DROSHA: variants seen among roughly 807,000 people sequenced by gnomAD.
DROSHA encodes ribonuclease 3.
DROSHA carries 56 observed loss-of-function variants against 181.9 expected under a neutral mutation model. The ratio of observed to expected loss-of-function variants is 0.31; its 90% CI spans 0.25 to 0.38. DROSHA has a LOEUF of 0.38. DROSHA is among the 10% of genes least tolerant of loss of function. DROSHA has a pLI of 1.00. For synonymous variants in DROSHA, 524 were observed against 591.2 expected (o/e 0.89, Z 1.65); for missense variants, 1,218 against 1,743.5 (o/e 0.70, Z 5.37).
intron 6 of DROSHA, among the ~76,000 whole-genome samples, chr5:31,518,841 T>C (rs1449433096): frequency 6.6e-6 from 1 of 152,214 alleles, no homozygotes; most frequent in Non-Finnish European, 1.5e-5. Context: ...AATGTTTTAT[T>C]GCCAAGAAAC....
rs60001713 is a variant in DROSHA at position 31,446,446 on chromosome 5, C to CAAAAAAA, written c.2882+2094_2882+2100dup. Among the ~76,000 whole-genome samples, 23 of 59,344 alleles carry CAAAAAAA rather than the reference C, an allele frequency of 3.9e-4. 2 individuals carry two copies. The highest frequency in any genetic ancestry group is 2.3e-3 in the East Asian group (3 of 1,326). The allele number at this position is 59,344 out of a possible 152,430, so 38.9% of individuals were successfully genotyped here. A position where few individuals can be genotyped will look rare whatever the true frequency, so the allele number is the denominator to read the frequency against. On this transcript the variant is annotated intron_variant, in intron 23 of 35. Coordinates refer to ENST00000344624, the MANE Select transcript of DROSHA (RefSeq NM_001382508.1). ...TGGGCGACAGAGCGAGACTCTGTCT[C>CAAAAAAA]AAAAAAAAAAAAAAAAAAAAGATTC... is the stretch of plus-strand genomic sequence containing the variant.
intron 19 of DROSHA, 49 bp downstream of exon 19, chr5:31,466,133 C>T (rs1748983959): frequency 1.9e-6 from 3 of 1,571,546 alleles, no homozygotes; most frequent in Non-Finnish European, 2.6e-6. Flanking sequence ...ACGAAATAAA[C>T]CTGAAGCACA....
At chr5:31,433,637 A>G (rs1342869375) in intron 25 of DROSHA, among the ~76,000 whole-genome samples, 5 of 151,996 alleles carry the variant, frequency 3.3e-5, no homozygotes, top group Non-Finnish European at 5.9e-5. Context: ...CTCTGCCTCC[A>G]GGGTTCACGC....
chr5:31,451,699 T>A, intron 20 of DROSHA, 59 bp from the exon 21 acceptor site: 3 of 1,370,162 alleles, frequency 2.2e-6, no homozygotes, highest in Non-Finnish European at 3.0e-6. Flanking sequence ...GTCACTTCAT[T>A]TATTTTACAA....
At chr5:31,446,243 A>G (rs1027643798) in intron 23 of DROSHA, among the ~76,000 whole-genome samples, 72 of 151,808 alleles carry the variant, frequency 4.7e-4, no homozygotes, top group Admixed American at 9.8e-4. Context: ...TCAGGACATC[A>G]AGACCACCCT....
At chr5:31,520,061 T>G (rs1739716115) in intron 6 of DROSHA, among the ~76,000 whole-genome samples, 1 of 152,200 alleles carries the variant, frequency 6.6e-6, no homozygotes, top group Non-Finnish European at 1.5e-5. Flanking sequence ...CCATCTTTTT[T>G]TAGTGTTCAA....
chr5:31,481,013 AT>A (rs1750972136), intron 16 of DROSHA, among the ~76,000 whole-genome samples: 1 of 152,238 alleles, frequency 6.6e-6, no homozygotes, highest in African/African-American at 2.4e-5. Context: ...TTATTAAAAA[AT>A]AGATGCAAAT....
At chr5:31,504,404 G>A in intron 11 of DROSHA, 151 bp downstream of exon 11, 2 of 840,252 alleles carry the variant, frequency 2.4e-6, no homozygotes, top group Non-Finnish European at 3.5e-6. Flanking sequence ...AAACCCAAGT[G>A]CTTTCCTCTG....
intron 21 of DROSHA, 124 bp downstream of exon 21, chr5:31,451,409 G>C: frequency 1.3e-6 from 1 of 798,470 alleles, no homozygotes; most frequent in Non-Finnish European, 2.0e-6. Context: ...GCAATGGAGA[G>C]AACTATGTTT....
intron 23 of DROSHA, 93 bp downstream of exon 23, chr5:31,448,454 C>G: frequency 8.4e-7 from 1 of 1,197,336 alleles, no homozygotes; most frequent in Non-Finnish European, 1.2e-6. Flanking sequence ...TGTGAACATA[C>G]TAAAAACCAC....
At chr5:31,476,745 A>G (rs185103613) in intron 16 of DROSHA, among the ~76,000 whole-genome samples, 130 of 152,306 alleles carry the variant, frequency 8.5e-4, no homozygotes, top group African/African-American at 2.8e-3. Context: ...GGAGATCCAT[A>G]AATTAGAGAC....
chr5:31,459,515 G>GT (rs1335312812), intron 20 of DROSHA, among the ~76,000 whole-genome samples: 2 of 151,044 alleles, frequency 1.3e-5, no homozygotes, highest in African/African-American at 2.4e-5. Flanking sequence ...AAAAAATCAA[G>GT]TATCTCATAC....
intron 20 of DROSHA, among the ~76,000 whole-genome samples, chr5:31,460,358 C>T (rs898630704): frequency 6.6e-6 from 1 of 152,184 alleles, no homozygotes; most frequent in East Asian, 1.9e-4. Context: ...ATCCTCTTAA[C>T]ATTGGCTGGG....
intron 11 of DROSHA, among the ~76,000 whole-genome samples, chr5:31,503,610 C>T (rs892350046): frequency 6.6e-6 from 1 of 152,184 alleles, no homozygotes; most frequent in South Asian, 2.1e-4. Context: ...CATTCCAGCA[C>T]AACACACAAA....
intron 33 of DROSHA, among the ~76,000 whole-genome samples, chr5:31,407,330 A>G (rs1190460861): frequency 6.6e-6 from 1 of 152,234 alleles, no homozygotes; most frequent in African/African-American, 2.4e-5. Flanking sequence ...ACAGCCTAAA[A>G]CAATAAATAT....
chr5:31,503,864 C>T (rs1454029351), intron 11 of DROSHA, among the ~76,000 whole-genome samples: 1 of 152,152 alleles, frequency 6.6e-6, no homozygotes, highest in Non-Finnish European at 1.5e-5. Flanking sequence ...ATCTCATAGT[C>T]TTTATTCCCA....
At chr5:31,415,469 C>G (rs962943314) in intron 30 of DROSHA, among the ~76,000 whole-genome samples, 2 of 152,174 alleles carry the variant, frequency 1.3e-5, no homozygotes, top group African/African-American at 4.8e-5. Context: ...ATACAGGAGG[C>G]TGTGTAATCT....
At chr5:31,403,133 T>A (rs1021343250) in intron 35 of DROSHA, among the ~76,000 whole-genome samples, 1 of 152,238 alleles carries the variant, frequency 6.6e-6, no homozygotes, top group Non-Finnish European at 1.5e-5. Context: ...AAAACAGTAA[T>A]AAAATCCTAT....
At chr5:31,449,247 A>G in intron 22 of DROSHA, 34 bp downstream of exon 22, 1 of 1,610,606 alleles carries the variant, frequency 6.2e-7, no homozygotes, top group Non-Finnish European at 8.5e-7. Context: ...AGGCCAAAAT[A>G]GGAGATTCAC....
Sources: gnomAD v4.1 joint callset for allele counts (sites outside exome capture counted in the v4.1 genomes callset) on GRCh38, gnomAD v4.1.1 for gene constraint, MANE v1.5 for transcripts, NCBI Gene and HGNC (gene_info 2026-07-23, HGNC 2026-07-21) for gene names.